ITGB1BP1: variants seen among roughly 807,000 people sequenced by gnomAD.
ITGB1BP1 encodes the protein integrin beta-1-binding protein 1.
A neutral mutation model predicts 28.0 loss-of-function variants in ITGB1BP1; 20 were observed. The ratio of observed to expected loss-of-function variants is 0.71; its 90% CI spans 0.50 to 1.04. The LOEUF is 1.04. Ranked by LOEUF, ITGB1BP1 falls within the 50% of genes least tolerant of loss-of-function variation. ITGB1BP1 has a pLI of 0.00. For missense variants in ITGB1BP1, 228 were observed against 242.5 expected, an observed-to-expected ratio of 0.94 and a Z score of 0.40; for synonymous variants, 103 against 89.5, an observed-to-expected ratio of 1.15 and a Z score of -0.85.
chr2:9,411,715 T>G (rs1024971690), intron 4 of ITGB1BP1, among the ~76,000 whole-genome samples: 13 of 121,842 alleles, frequency 1.1e-4, no homozygotes, highest in African/African-American at 4.2e-4. Flanking sequence ...AGACCGAGAC[T>G]CCATCTCAAA....
intron 3 of ITGB1BP1, 144 bp downstream of exon 3, chr2:9,414,034 G>T: frequency 1.4e-6 from 1 of 710,336 alleles, no homozygotes. Context: ...GCCAAATCTT[G>T]GTCCACTTCT....
intron 1 of ITGB1BP1, among the ~76,000 whole-genome samples, chr2:9,422,276 C>T (rs560917657): frequency 1.3e-5 from 2 of 152,352 alleles, no homozygotes; most frequent in East Asian, 3.9e-4. Context: ...AGACCAAAGT[C>T]AACGTTCTTC....
intron 4 of ITGB1BP1, among the ~76,000 whole-genome samples, chr2:9,409,838 GTTCT>G (rs1678073390): frequency 7.6e-6 from 1 of 132,032 alleles, no homozygotes; most frequent in Non-Finnish European, 1.7e-5. Flanking sequence ...ACTACCGTGA[GTTCT>G]TTTTTTTTTT....
rs1481221243 is a variant in ITGB1BP1 at position 9,406,029 on chromosome 2, G to GTT, written c.*804_*805insAA. On this transcript the variant is annotated 3_prime_UTR_variant, in exon 7 of 7. Transcript: ENST00000355346. Reference sequence around the variant, plus strand: ...CCTCAGTCTTCCTCAGGCCTTCAGTGTGTGTCACTGAGTGGACCTCTGTGA... The same window carrying GTT: ...CCTCAGTCTTCCTCAGGCCTTCAGTGTTTGTGTCACTGAGTGGACCTCTGTGA... 1 of 144,530 alleles carries GTT rather than the reference G, an allele frequency of 6.9e-6. No homozygotes were observed. Among genetic ancestry groups the GTT allele is most frequent in the African/African-American group, 2.5e-5 (1 of 39,836 alleles). 9.0% of individuals were successfully genotyped at this position (144,530 alleles called of 1,614,324 possible).
chr2:9,409,840 T>TC (rs1678077589), intron 4 of ITGB1BP1, among the ~76,000 whole-genome samples: 2 of 138,814 alleles, frequency 1.4e-5, no homozygotes, highest in Non-Finnish European at 3.3e-5. Context: ...TACCGTGAGT[T>TC]CTTTTTTTTT....
chr2:9,412,071 G>A, intron 4 of ITGB1BP1, 198 bp downstream of exon 4: 1 of 505,506 alleles, frequency 2.0e-6, no homozygotes, highest in East Asian at 3.5e-5. Flanking sequence ...AAAGTACCGT[G>A]TTTGAAGGGA....
At chr2:9,419,243 G>C (rs1050087152) in intron 1 of ITGB1BP1, among the ~76,000 whole-genome samples, 1 of 152,142 alleles carries the variant, frequency 6.6e-6, no homozygotes, top group African/African-American at 2.4e-5. Context: ...TGTCCTACAG[G>C]TGTGAAAAGC....
intron 1 of ITGB1BP1, chr2:9,420,253 A>C (rs142895298): frequency 6.5e-6 from 1 of 152,996 alleles, no homozygotes; most frequent in African/African-American, 2.4e-5. Context: ...ACTGAGCCCA[A>C]GCTTTTTAAT....
At position 9,405,483 on chromosome 2, in the gene ITGB1BP1, T is replaced by C. The variant is rs1469825570; in HGVS notation, c.*1351A>G. ...TAACATAATATGCAGCTTAGGATGC[T>C]ATTTTGAGATGTATGATATTCAGTT... On this transcript the variant is annotated 3_prime_UTR_variant, in exon 7 of 7. Transcript: ENST00000355346. 6.6e-6 allele frequency: 1 copy of C among 152,644 alleles called. No individual in the cohort carries two copies. The highest frequency in any genetic ancestry group is 6.5e-5 in the Admixed American group (1 of 15,280). 9.5% of individuals were successfully genotyped at this position (152,644 alleles called of 1,614,324 possible). A position where few individuals can be genotyped will look rare whatever the true frequency, so the allele number is the denominator to read the frequency against.
At chr2:9,421,493 C>T (rs761521665) in intron 1 of ITGB1BP1, among the ~76,000 whole-genome samples, 199 of 152,228 alleles carry the variant, frequency 1.3e-3, no homozygotes, top group Middle Eastern at 3.4e-3. Flanking sequence ...CGAGACCATC[C>T]TGGCTAACAT....
intron 2 of ITGB1BP1, 96 bp from the exon 3 acceptor site, chr2:9,414,352 C>A (rs1678858520): frequency 2.4e-6 from 2 of 818,008 alleles, no homozygotes; most frequent in South Asian, 1.5e-5. Context: ...TAGAGTTGAG[C>A]TGACACATAC....
At chr2:9,412,086 C>A in intron 4 of ITGB1BP1, 183 bp downstream of exon 4, 8 of 519,932 alleles carry the variant, frequency 1.5e-5, no homozygotes, top group South Asian at 5.4e-5. Context: ...AAGGGAGGAA[C>A]AGCGCCTGTG....
rs1558414740 is a variant in ITGB1BP1, at chr2:9,406,060, C to CT, written c.*773_*774insA. The stretch of plus-strand genomic sequence containing the variant: ...CACTGAGTGGACCTCTGTGACATCT[C>CT]GTCTTCCTCAGGCCTTCAGTGTGTG... On this transcript the variant is annotated 3_prime_UTR_variant, in exon 7 of 7. Transcript: ENST00000355346. 1 of 75,546 alleles carries CT rather than the reference C, an allele frequency of 1.3e-5. No individual in the cohort carries two copies. Among genetic ancestry groups the CT allele is most frequent in the African/African-American group, 5.8e-5 (1 of 17,314 alleles). The allele number at this position is 75,546 out of a possible 1,614,324, so 4.7% of individuals were successfully genotyped here.
chr2:9,412,224 C>CCCAGACTCT, intron 4 of ITGB1BP1, 45 bp downstream of exon 4: 1 of 1,574,508 alleles, frequency 6.4e-7, no homozygotes, highest in South Asian at 1.1e-5. Flanking sequence ...GAGTTGGCTC[C>CCCAGACTCT]CCAGACTCTC....
chr2:9,413,219 A>G (rs1678680501), intron 3 of ITGB1BP1, among the ~76,000 whole-genome samples: 1 of 152,248 alleles, frequency 6.6e-6, no homozygotes, highest in African/African-American at 2.4e-5. Context: ...CAGATTCACT[A>G]GGACAGGTTC....
intron 4 of ITGB1BP1, among the ~76,000 whole-genome samples, chr2:9,409,118 C>T (rs561369489): frequency 6.6e-6 from 1 of 152,218 alleles, no homozygotes; most frequent in Non-Finnish European, 1.5e-5. Context: ...TCAGGAACCG[C>T]AGATAATCCC....
At chr2:9,418,507 A>G in intron 2 of ITGB1BP1, 119 bp downstream of exon 2, 2 of 760,996 alleles carry the variant, frequency 2.6e-6, no homozygotes, top group East Asian at 2.5e-5. Flanking sequence ...ATGTTAAAAC[A>G]CACTAGTTTG....
intron 1 of ITGB1BP1, chr2:9,422,848 G>A (rs1680063369): frequency 1.0e-6 from 1 of 986,114 alleles, no homozygotes; most frequent in Non-Finnish European, 1.2e-6. Flanking sequence ...GGATGCCAAA[G>A]CGCCCGAAGA....
Position 9,407,536 on chromosome 2 carries a change from C to G in ITGB1BP1, c.444G>C (p.Leu148=). 1.2e-6 allele frequency: 2 copies of G among 1,614,184 alleles called. No homozygotes were observed. The highest frequency in any genetic ancestry group is 1.6e-4 in the Middle Eastern group (1 of 6,062). The part of the protein sequence containing the change: ...IIRMVCYDDG[L]GAGKSLLALK... ...GAGCCAGTAAGCTTTTTCCCGCCCC[C>G]AGACCGTCATCGTAACACACCATCC... Residue 148 remains leucine, a synonymous_variant, in exon 6 of 7, where the codon CTG becomes CTC. Transcript: ENST00000355346.
Sources: gnomAD v4.1 joint callset for allele counts (sites outside exome capture counted in the v4.1 genomes callset) on GRCh38, gnomAD v4.1.1 for gene constraint, MANE v1.5 for transcripts, NCBI Gene and HGNC (gene_info 2026-07-23, HGNC 2026-07-21) for gene names.